HHLA2: variants seen among roughly 807,000 people sequenced by gnomAD.
The protein encoded by HHLA2 is HERV-H LTR-associating protein 2.
Under a neutral mutation model 45.9 loss-of-function variants are expected in HHLA2, and 48 were observed. The ratio of observed to expected loss-of-function variants is 1.05; its 90% CI spans 0.83 to 1.33. The LOEUF is 1.33. HHLA2 is among the 40% of genes most tolerant of loss of function. The pLI is 0.00. For synonymous variants in HHLA2, 161 were observed against 173.9 expected (o/e 0.93, Z 0.59); for missense variants, 462 against 494.3 (o/e 0.93, Z 0.62).
chr3:108,309,784 T>A (rs564516224), intron 1 of HHLA2, among the ~76,000 whole-genome samples: 1 of 152,260 alleles, frequency 6.6e-6, no homozygotes, highest in South Asian at 2.1e-4. Flanking sequence ...ATAAAATTAC[T>A]ATTTTTTCCC....
At chr3:108,369,343 T>C (rs1441553415) in intron 8 of HHLA2, among the ~76,000 whole-genome samples, 1 of 152,034 alleles carries the variant, frequency 6.6e-6, no homozygotes, top group Non-Finnish European at 1.5e-5. Context: ...GGAGCCAAGA[T>C]GGCCGAATAG....
intron 3 of HHLA2, among the ~76,000 whole-genome samples, chr3:108,331,038 A>T (rs1380013930): frequency 6.6e-6 from 1 of 152,186 alleles, no homozygotes; most frequent in Non-Finnish European, 1.5e-5. Flanking sequence ...CTAGGCAAAC[A>T]GTCTACAGCT....
intron 1 of HHLA2, among the ~76,000 whole-genome samples, chr3:108,308,674 G>C (rs2080969458): frequency 6.6e-6 from 1 of 152,138 alleles, no homozygotes. Flanking sequence ...GCCAGCATTT[G>C]TTATTGCCTG....
chr3:108,352,145 ATT>A (rs10718672), intron 4 of HHLA2, among the ~76,000 whole-genome samples: 71 of 150,254 alleles, frequency 4.7e-4, no homozygotes, highest in Non-Finnish European at 4.9e-4. Flanking sequence ...TGATTGATTG[ATT>A]TTTTTTTTTT....
chr3:108,315,735 A>T (rs1158854034), intron 2 of HHLA2, among the ~76,000 whole-genome samples: 1 of 152,188 alleles, frequency 6.6e-6, no homozygotes, highest in Non-Finnish European at 1.5e-5. Context: ...ATAGAAGTAT[A>T]TGTGGTAGTT....
chr3:108,364,184 C>T (rs1462399909), intron 8 of HHLA2, among the ~76,000 whole-genome samples: 10 of 152,044 alleles, frequency 6.6e-5, no homozygotes, highest in African/African-American at 2.2e-4. Flanking sequence ...TGATGTTCCC[C>T]GCCCTGTGTC....
At chr3:108,351,219 T>A (rs1280425392) in intron 3 of HHLA2, among the ~76,000 whole-genome samples, 6 of 152,236 alleles carry the variant, frequency 3.9e-5, no homozygotes, top group African/African-American at 1.4e-4. Flanking sequence ...ATTTAATGGC[T>A]TGCACTAGTA....
chr3:108,364,407 G>T (rs2082029705), intron 8 of HHLA2, among the ~76,000 whole-genome samples: 1 of 152,144 alleles, frequency 6.6e-6, no homozygotes, highest in South Asian at 2.1e-4. Flanking sequence ...TGGGCATTTG[G>T]GTTGGTTCCA....
chr3:108,307,047 G>C (rs1013844319), intron 1 of HHLA2, among the ~76,000 whole-genome samples: 2 of 151,994 alleles, frequency 1.3e-5, no homozygotes, highest in Non-Finnish European at 2.9e-5. Context: ...GTAAAGACAG[G>C]GTTTCACCAC....
chr3:108,353,671 T>C (rs2081828994), exon 5 of HHLA2: 2 of 1,613,716 alleles, frequency 1.2e-6, no homozygotes, highest in Non-Finnish European at 1.7e-6. Flanking sequence ...AAAATGGGAA[T>C]GCGTCGCTAT....
intron 8 of HHLA2, among the ~76,000 whole-genome samples, chr3:108,374,568 G>A (rs1427486181): frequency 5.3e-5 from 8 of 151,042 alleles, no homozygotes; most frequent in African/African-American, 1.7e-4. Flanking sequence ...GAAAATTTTC[G>A]CAACCTACTC....
intron 3 of HHLA2, among the ~76,000 whole-genome samples, chr3:108,341,954 C>T (rs112789148): frequency 0.032 from 4,904 of 152,246 alleles, 127 homozygotes; most frequent in Non-Finnish European, 0.055. Context: ...AGTAGAGGGA[C>T]GGGGTTTGCC....
intron 3 of HHLA2, among the ~76,000 whole-genome samples, chr3:108,337,708 T>C (rs764082857): frequency 3.3e-5 from 5 of 152,100 alleles, no homozygotes; most frequent in South Asian, 4.1e-4. Context: ...TGGAATTTGA[T>C]TGGAACTGAG....
intron 7 of HHLA2, among the ~76,000 whole-genome samples, chr3:108,359,988 A>G (rs1486077007): frequency 1.3e-5 from 2 of 152,186 alleles, no homozygotes; most frequent in African/African-American, 4.8e-5. Flanking sequence ...GCTTGCTTTC[A>G]TTGCAATTAA....
intron 7 of HHLA2, among the ~76,000 whole-genome samples, chr3:108,361,383 C>T (rs991308510): frequency 6.6e-6 from 1 of 152,126 alleles, no homozygotes; most frequent in East Asian, 1.9e-4. Flanking sequence ...GGATGCTACC[C>T]GCCTGTTAGC....
At chr3:108,319,869 A>T (rs1397660016) in intron 2 of HHLA2, among the ~76,000 whole-genome samples, 1 of 152,168 alleles carries the variant, frequency 6.6e-6, no homozygotes, top group South Asian at 2.1e-4. Context: ...TCTGAATAGG[A>T]TTCTTCAGAT....
intron 2 of HHLA2, chr3:108,325,960 C>G (rs2081281667): frequency 2.7e-6 from 1 of 372,332 alleles, no homozygotes; most frequent in Non-Finnish European, 5.2e-6. Context: ...GATGGTATTT[C>G]TGAATGACAG....
chr3:108,372,146 C>A (rs1383746001), intron 8 of HHLA2, among the ~76,000 whole-genome samples: 7 of 152,332 alleles, frequency 4.6e-5, no homozygotes, highest in African/African-American at 1.7e-4. Flanking sequence ...ACAGTGCAAT[C>A]AAACTAGAAC....
chr3:108,375,428 T>C (rs2107521038), intron 8 of HHLA2, among the ~76,000 whole-genome samples: 1 of 151,912 alleles, frequency 6.6e-6, no homozygotes, highest in East Asian at 1.9e-4. Context: ...TGTATACATA[T>C]GTAACAAACC....
Sources: allele counts gnomAD v4.1 joint callset (sites outside exome capture counted in the v4.1 genomes callset), GRCh38; gene constraint gnomAD v4.1.1; transcripts MANE v1.5; gene names NCBI Gene and HGNC (gene_info 2026-07-23, HGNC 2026-07-21).